The following ZBTB7C variants were observed in gnomAD, a reference collection of about 807,000 sequenced individuals.
The protein encoded by ZBTB7C is zinc finger and BTB domain containing 7C.
ZBTB7C carries 8 observed loss-of-function variants against 25.7 expected under a neutral mutation model. That is an observed-to-expected ratio of 0.31 (90% CI 0.18 to 0.56). The LOEUF is 0.56. ZBTB7C is among the 20% of genes least tolerant of loss of function. ZBTB7C has a pLI of 0.91. For missense variants in ZBTB7C, 824 were observed against 855.2 expected, an observed-to-expected ratio of 0.96 and a Z score of 0.46; for synonymous variants, 394 against 369.0, an observed-to-expected ratio of 1.07 and a Z score of -0.78.
intron 4 of ZBTB7C, 140 bp downstream of exon 4, chr18:48,039,760 A>G (rs1247139580): frequency 2.4e-6 from 2 of 848,214 alleles, no homozygotes; most frequent in East Asian, 2.4e-5. Context: ...GGTGATGCCT[A>G]GCACCCCTGC....
chr18:48,345,836 G>T (rs1355946734), intron 1 of ZBTB7C, among the ~76,000 whole-genome samples: 2 of 152,216 alleles, frequency 1.3e-5, no homozygotes, highest in Non-Finnish European at 2.9e-5. Flanking sequence ...CTGCCATCTG[G>T]CTGTGGGAAC....
At position 48,079,481 on chromosome 18, in the gene ZBTB7C, G is replaced by T. The variant is rs2037899344; in HGVS notation, c.-16-38358C>A. Among the ~76,000 whole-genome samples, 5 of 152,222 alleles carry T rather than the reference G, an allele frequency of 3.3e-5. No homozygotes were observed. In the South Asian group the frequency reaches 1.0e-3, roughly 32 times the overall value. ...AAGTGTCAGAATAAATGGGCCCAGGGTCCACCTCATTGGAGGGGACAAACT... is the reference window on the plus strand; with the variant it reads ...AAGTGTCAGAATAAATGGGCCCAGGTTCCACCTCATTGGAGGGGACAAACT... On this transcript the variant is annotated intron_variant, in intron 3 of 4. Coordinates refer to ENST00000590800, the MANE Select transcript of ZBTB7C (RefSeq NM_001318841.2).
intron 3 of ZBTB7C, among the ~76,000 whole-genome samples, chr18:48,088,039 G>A (rs1344540144): frequency 2.6e-5 from 4 of 152,114 alleles, no homozygotes; most frequent in African/African-American, 9.7e-5. Flanking sequence ...TAACACCCCT[G>A]TAACCCAAAT....
intron 1 of ZBTB7C, among the ~76,000 whole-genome samples, chr18:48,394,526 C>G (rs1267129566): frequency 6.6e-6 from 1 of 152,114 alleles, no homozygotes; most frequent in Non-Finnish European, 1.5e-5. Context: ...TGTAGTAAGA[C>G]CATAGTACAT....
intron 3 of ZBTB7C, among the ~76,000 whole-genome samples, chr18:48,164,488 A>T (rs1298540919): frequency 6.6e-6 from 1 of 152,106 alleles, no homozygotes; most frequent in African/African-American, 2.4e-5. Context: ...ATACACAAAC[A>T]TACTCATCTG....
At chr18:48,031,242 G>C (rs1250716839) in intron 4 of ZBTB7C, among the ~76,000 whole-genome samples, 1 of 152,192 alleles carries the variant, frequency 6.6e-6, no homozygotes, top group Non-Finnish European at 1.5e-5. Context: ...CAGAGCAGGA[G>C]AGAAAAGGAC....
intron 2 of ZBTB7C, among the ~76,000 whole-genome samples, chr18:48,289,067 G>A (rs1407277313): frequency 6.6e-6 from 1 of 152,170 alleles, no homozygotes; most frequent in African/African-American, 2.4e-5. Flanking sequence ...GCAAGGCTAT[G>A]CACAACGCGA....
chr18:48,135,796 G>C (rs1049600556), intron 3 of ZBTB7C, among the ~76,000 whole-genome samples: 2 of 152,208 alleles, frequency 1.3e-5, no homozygotes, highest in Non-Finnish European at 2.9e-5. Context: ...GAAACTGCTC[G>C]ATTGTTTCAA....
chr18:48,399,993 G>A (rs1344539985), intron 1 of ZBTB7C, among the ~76,000 whole-genome samples: 1 of 152,038 alleles, frequency 6.6e-6, no homozygotes, highest in African/African-American at 2.4e-5. Context: ...TTTCCTGTGC[G>A]GCCCCTCCCC....
At position 48,040,631 on chromosome 18, in the gene ZBTB7C, TTCCTCC is replaced by T. The variant is rs761290843; in HGVS notation, c.471_476del (p.Glu161_Glu162del). 1.1e-4 allele frequency: 172 copies of T among 1,610,726 alleles called. 2 individuals are homozygous for T. The South Asian group carries it at 1.2e-3, about 12-fold the overall frequency. ...TGTCATCATCGTCATCCTCCTCCTC[TTCCTCC>T]TCCTCCTCTTCGTCCTCCTCATCAT... On this transcript the variant is annotated inframe_deletion, in exon 4 of 5. Transcript: ENST00000590800.
intron 1 of ZBTB7C, among the ~76,000 whole-genome samples, chr18:48,353,675 C>T (rs1433896555): frequency 3.9e-5 from 6 of 152,068 alleles, no homozygotes; most frequent in Admixed American, 2.6e-4. Context: ...CTGGGGGTGG[C>T]GGGGGCAATC....
chr18:48,122,248 GTACAGTGTC>G, intron 3 of ZBTB7C, among the ~76,000 whole-genome samples: 1 of 152,330 alleles, frequency 6.6e-6, no homozygotes, highest in South Asian at 2.1e-4. Flanking sequence ...CCATGGTGCT[GTACAGTGTC>G]TGGATCTGTT....
chr18:48,142,261 G>A (rs1209957350), intron 3 of ZBTB7C, among the ~76,000 whole-genome samples: 4 of 152,228 alleles, frequency 2.6e-5, no homozygotes, highest in Non-Finnish European at 5.9e-5. Flanking sequence ...TGTCCTGCAG[G>A]GGCTGGAAGG....
intron 2 of ZBTB7C, among the ~76,000 whole-genome samples, chr18:48,317,941 G>A (rs1292405346): frequency 7.2e-6 from 1 of 139,752 alleles, no homozygotes; most frequent in Non-Finnish European, 1.6e-5. Flanking sequence ...CCGACATTCA[G>A]CAGACCTTTC....
chr18:48,098,956 G>A (rs1005037413), intron 3 of ZBTB7C, among the ~76,000 whole-genome samples: 1 of 152,194 alleles, frequency 6.6e-6, no homozygotes, highest in Non-Finnish European at 1.5e-5. Context: ...AGAAACCTGA[G>A]TCCTGAGTTT....
chr18:48,097,365 C>T (rs1199155230), intron 3 of ZBTB7C, among the ~76,000 whole-genome samples: 2 of 133,268 alleles, frequency 1.5e-5, no homozygotes, highest in Admixed American at 1.6e-4. Context: ...GGAAAGACAA[C>T]TTTTATTATT....
At chr18:48,260,717 T>G (rs2044148269) in intron 2 of ZBTB7C, among the ~76,000 whole-genome samples, 1 of 152,126 alleles carries the variant, frequency 6.6e-6, no homozygotes, top group Non-Finnish European at 1.5e-5. Context: ...AGTTTTCGAG[T>G]TGGCAAAACC....
chr18:48,244,617 A>C (rs1212992957), intron 2 of ZBTB7C, among the ~76,000 whole-genome samples: 1 of 152,160 alleles, frequency 6.6e-6, no homozygotes, highest in Non-Finnish European at 1.5e-5. Context: ...TAATCCCATC[A>C]AAAAGTGGGC....
intron 3 of ZBTB7C, among the ~76,000 whole-genome samples, chr18:48,182,015 C>A (rs56324049): frequency 5.3e-5 from 8 of 152,136 alleles, no homozygotes; most frequent in African/African-American, 1.9e-4. Context: ...CTCTGTATTA[C>A]AGCACCCACC....
Sources: allele counts gnomAD v4.1 joint callset (sites outside exome capture counted in the v4.1 genomes callset), GRCh38; gene constraint gnomAD v4.1.1; transcripts MANE v1.5; gene names NCBI Gene and HGNC (gene_info 2026-07-23, HGNC 2026-07-21).